Variants in NRXN3 observed in about 807,000 individuals in gnomAD.
The protein encoded by NRXN3 is neurexin 3, also known as neurexin III.
In NRXN3, 32 loss-of-function variants were observed where a neutral mutation model predicts 137.6. That is an observed-to-expected ratio of 0.23 (90% CI 0.18 to 0.31). The LOEUF (loss-of-function observed/expected upper bound fraction) is 0.31, where lower values mean the gene tolerates loss of function less well. Among genes scored for constraint, NRXN3 ranks in the 10% least tolerant of loss-of-function variants. The pLI is 1.00. For missense variants in NRXN3, 1,574 were observed against 2,062.5 expected (o/e 0.76, Z 4.59); for synonymous variants, 798 against 784.5 (o/e 1.02, Z -0.29).
intron 15 of NRXN3, among the ~76,000 whole-genome samples, chr14:79,397,867 T>A (rs1285822905): frequency 1.3e-5 from 2 of 152,220 alleles, no homozygotes; most frequent in African/African-American, 4.8e-5. Flanking sequence ...CTTGGTCAGT[T>A]AAATTGTGAA....
At chr14:78,885,339 A>G (rs1441692135) in intron 10 of NRXN3, among the ~76,000 whole-genome samples, 3 of 151,824 alleles carry the variant, frequency 2.0e-5, no homozygotes, top group Non-Finnish European at 4.4e-5. Flanking sequence ...AGACCTACAA[A>G]AAAGGGTAGG....
chr14:78,383,223 A>T (rs1195367390), intron 4 of NRXN3, among the ~76,000 whole-genome samples: 1 of 152,122 alleles, frequency 6.6e-6, no homozygotes, highest in African/African-American at 2.4e-5. Flanking sequence ...CACTTTTGGC[A>T]TGGTGTCTTT....
intron 15 of NRXN3, among the ~76,000 whole-genome samples, chr14:79,167,916 TTTTC>T (rs1292860216): frequency 6.7e-6 from 1 of 149,624 alleles, no homozygotes; most frequent in Non-Finnish European, 1.5e-5. Flanking sequence ...CTGCCTTTTC[TTTTC>T]TTTCTTTCTT....
At chr14:79,682,275 T>A (rs2098674512) in intron 17 of NRXN3, among the ~76,000 whole-genome samples, 1 of 152,192 alleles carries the variant, frequency 6.6e-6, no homozygotes, top group South Asian at 2.1e-4. Context: ...AGTACTTTGT[T>A]GTTTATCATT....
intron 16 of NRXN3, among the ~76,000 whole-genome samples, chr14:79,581,863 A>G (rs1055547756): frequency 6.6e-6 from 1 of 152,222 alleles, no homozygotes; most frequent in Non-Finnish European, 1.5e-5. Context: ...TTTTTGGAGC[A>G]TCTGAAAGAT....
chr14:78,485,543 T>C (rs879228740), intron 4 of NRXN3, among the ~76,000 whole-genome samples: 1 of 152,122 alleles, frequency 6.6e-6, no homozygotes, highest in Admixed American at 6.6e-5. Context: ...GGGTGTGGAG[T>C]AGTGCTTGAC....
intron 4 of NRXN3, among the ~76,000 whole-genome samples, chr14:78,544,834 G>C (rs2096623155): frequency 6.6e-6 from 1 of 152,148 alleles, no homozygotes; most frequent in African/African-American, 2.4e-5. Flanking sequence ...AGGAACTTTT[G>C]CTTGCAACTT....
chr14:78,491,430 A>G (rs1211022839), intron 4 of NRXN3, among the ~76,000 whole-genome samples: 2 of 152,166 alleles, frequency 1.3e-5, no homozygotes, highest in African/African-American at 2.4e-5. Flanking sequence ...GCGAGGAGTG[A>G]GGCAGAGAGG....
chr14:79,504,637 T>A (rs2096855112), intron 16 of NRXN3, among the ~76,000 whole-genome samples: 1 of 61,524 alleles, frequency 1.6e-5, no homozygotes, highest in African/African-American at 1.0e-4. Flanking sequence ...TAAAATGAAG[T>A]TTTTTATATA....
At chr14:78,595,772 A>G (rs1236492760) in intron 4 of NRXN3, among the ~76,000 whole-genome samples, 1 of 152,148 alleles carries the variant, frequency 6.6e-6, no homozygotes, top group Non-Finnish European at 1.5e-5. Context: ...ATTGAGGTCC[A>G]AACTCCTAAG....
chr14:79,753,368 T>C (rs907992262), intron 19 of NRXN3, among the ~76,000 whole-genome samples: 5 of 151,886 alleles, frequency 3.3e-5, no homozygotes, highest in Admixed American at 2.0e-4. Context: ...GGCACATATA[T>C]ACCATGGAAT....
intron 20 of NRXN3, among the ~76,000 whole-genome samples, chr14:79,821,160 G>C (rs915445026): frequency 6.6e-6 from 1 of 151,732 alleles, no homozygotes. Context: ...AAGAACAAGA[G>C]GAAAACAAGG....
At chr14:78,728,249 T>G (rs776670904) in intron 8 of NRXN3, among the ~76,000 whole-genome samples, 1 of 152,230 alleles carries the variant, frequency 6.6e-6, no homozygotes, top group Non-Finnish European at 1.5e-5. Flanking sequence ...TTTTTTAACA[T>G]GTAATCGTCC....
intron 4 of NRXN3, among the ~76,000 whole-genome samples, chr14:78,545,758 C>A (rs2096631339): frequency 6.6e-6 from 1 of 152,150 alleles, no homozygotes; most frequent in Non-Finnish European, 1.5e-5. Flanking sequence ...TGCCTTAGAA[C>A]CTGCTGTGTG....
chr14:78,558,284 G>C (rs2152251604), intron 4 of NRXN3, among the ~76,000 whole-genome samples: 1 of 152,264 alleles, frequency 6.6e-6, no homozygotes. Flanking sequence ...CCATCCTTCA[G>C]TTCCTGAGTC....
intron 20 of NRXN3, among the ~76,000 whole-genome samples, chr14:79,821,497 A>G (rs2099272347): frequency 6.6e-6 from 1 of 152,202 alleles, no homozygotes; most frequent in Admixed American, 6.5e-5. Flanking sequence ...CAAACAAGGC[A>G]TAATGAGACA....
chr14:78,902,486 A>C (rs1202176688), intron 10 of NRXN3, among the ~76,000 whole-genome samples: 1 of 152,060 alleles, frequency 6.6e-6, no homozygotes, highest in Non-Finnish European at 1.5e-5. Flanking sequence ...GGAAAGATTC[A>C]AAGTAGTAGA....
At chr14:79,658,812 T>C (rs776199302) in intron 16 of NRXN3, among the ~76,000 whole-genome samples, 4 of 152,182 alleles carry the variant, frequency 2.6e-5, no homozygotes, top group South Asian at 2.1e-4. Flanking sequence ...GTTAAGACAC[T>C]GAGACCTGCT....
chr14:78,307,370 G>A (rs2153538611), intron 4 of NRXN3, among the ~76,000 whole-genome samples: 1 of 152,014 alleles, frequency 6.6e-6, no homozygotes, highest in East Asian at 1.9e-4. Flanking sequence ...ATAAATACAT[G>A]TATTTTCCCC....
Sources: gnomAD v4.1 joint callset for allele counts (sites outside exome capture counted in the v4.1 genomes callset) on GRCh38, gnomAD v4.1.1 for gene constraint, MANE v1.5 for transcripts, NCBI Gene and HGNC (gene_info 2026-07-23, HGNC 2026-07-21) for gene names.